HSD17B11: variants seen among roughly 807,000 people sequenced by gnomAD.
HSD17B11 encodes hydroxysteroid 17-beta dehydrogenase 11, also known as estradiol 17-beta-dehydrogenase 11.
In HSD17B11, 22 loss-of-function variants were observed where a neutral mutation model predicts 27.8. The observed-to-expected ratio is 0.79, with a 90% CI of 0.56 to 1.13. The LOEUF (loss-of-function observed/expected upper bound fraction) is 1.13. HSD17B11 is among the 50% of genes most tolerant of loss of function. The pLI is 0.00. For missense variants in HSD17B11, 314 were observed against 351.1 expected (o/e 0.89, Z 0.84); for synonymous variants, 117 against 132.8 (o/e 0.88, Z 0.82).
intron 1 of HSD17B11, among the ~76,000 whole-genome samples, chr4:87,383,414 G>A (rs1720224038): frequency 6.6e-6 from 1 of 152,138 alleles, no homozygotes; most frequent in South Asian, 2.1e-4. Flanking sequence ...GGTAATAGAT[G>A]ACACAAACTT....
chr4:87,355,281 A>G (rs1578036183), intron 5 of HSD17B11, among the ~76,000 whole-genome samples: 1 of 152,206 alleles, frequency 6.6e-6, no homozygotes, highest in Admixed American at 6.5e-5. Context: ...GGAAAAAACT[A>G]TACTGTGACC....
In HSD17B11 at chr4:87,374,722, C is replaced by T. The variant is rs1382824233; in HGVS notation, c.427G>A (p.Val143Ile). The T allele has an allele frequency of 1.9e-6, 3 of 1,606,444 alleles. No individual in the cohort carries two copies. The highest frequency in any genetic ancestry group is 2.5e-6 in the Non-Finnish European group (3 of 1,178,252). ...ACCCAGAAATGTGCAAGTACATTAA[C>T]TTCAAAAGTCTTTTCAATCTGAGGA... Reference protein sequence around the residue: ...QDPQIEKTFEVNVLAHFWTTK... With the variant: ...QDPQIEKTFEINVLAHFWTTK... Residue 143 changes from valine (V) to isoleucine (I), a missense_variant, in exon 3 of 7, where the codon GTT becomes ATT. Transcript: ENST00000358290.
chr4:87,358,564 T>G (rs1735436707), intron 4 of HSD17B11, among the ~76,000 whole-genome samples: 1 of 152,208 alleles, frequency 6.6e-6, no homozygotes, highest in Non-Finnish European at 1.5e-5. Context: ...TGTACACAAT[T>G]AAATGGTTTT....
chr4:87,362,824 C>A (rs920881213), intron 4 of HSD17B11, among the ~76,000 whole-genome samples: 1 of 152,198 alleles, frequency 6.6e-6, no homozygotes, highest in African/African-American at 2.4e-5. Context: ...CTGAAGTTTT[C>A]AGTGTTGCTG....
intron 3 of HSD17B11, chr4:87,374,421 A>G (rs1468642307): frequency 3.0e-5 from 7 of 233,580 alleles, no homozygotes; most frequent in South Asian, 6.9e-5. Flanking sequence ...ATCTCTAAAT[A>G]GGATCACACA....
chr4:87,375,993 C>G (rs1279084085), intron 2 of HSD17B11, among the ~76,000 whole-genome samples: 1 of 152,208 alleles, frequency 6.6e-6, no homozygotes, highest in African/African-American at 2.4e-5. Context: ...AACTTCAATT[C>G]TTCCTCTGCA....
chr4:87,358,835 T>A (rs79725178), intron 4 of HSD17B11, among the ~76,000 whole-genome samples: 7,866 of 152,284 alleles, frequency 0.052, 701 homozygotes, highest in African/African-American at 0.18. Context: ...GTTTAGGCAC[T>A]TATTGAAGCT....
At chr4:87,363,587 G>A (rs1048827454) in intron 4 of HSD17B11, among the ~76,000 whole-genome samples, 4 of 152,140 alleles carry the variant, frequency 2.6e-5, no homozygotes, top group Non-Finnish European at 4.4e-5. Flanking sequence ...CCTTTTAACC[G>A]CATGGCAGTA....
chr4:87,357,530 C>G (rs1735410251), intron 4 of HSD17B11, 114 bp from the exon 5 acceptor site: 1 of 934,686 alleles, frequency 1.1e-6, no homozygotes, highest in Middle Eastern at 2.2e-4. Context: ...GTCTCAGGCC[C>G]CAGCCCAGAG....
intron 4 of HSD17B11, among the ~76,000 whole-genome samples, chr4:87,361,964 A>G (rs1214754963): frequency 1.3e-5 from 2 of 152,152 alleles, no homozygotes; most frequent in Admixed American, 6.5e-5. Flanking sequence ...GTCCTGTAAC[A>G]TATTTCTGGC....
chr4:87,370,756 T>TTATTATTTTA lies in HSD17B11; in HGVS notation c.557+1952_557+1953insTAAAATAATA, dbSNP rs752900390. ...ATTATTATTATTATTATTATTATTATTTTTTTTTTTTTTTGAGACGGAGTC... is the reference window on the plus strand; with the variant it reads ...ATTATTATTATTATTATTATTATTATTATTATTTTATTTTTTTTTTTTTTGAGACGGAGTC... On this transcript the variant is annotated intron_variant, in intron 4 of 6. Transcript: ENST00000358290. 1.1e-3 allele frequency among the ~76,000 whole-genome samples: 19 copies of TTATTATTTTA among 17,800 alleles called. 2 individuals carry two copies. Among genetic ancestry groups the TTATTATTTTA allele is most frequent in the Admixed American group, 2.4e-3 (3 of 1,254 alleles). 11.7% of individuals were successfully genotyped at this position (17,800 alleles called of 152,430 possible).
At chr4:87,382,975 G>A (rs183791654) in intron 1 of HSD17B11, among the ~76,000 whole-genome samples, 1 of 152,258 alleles carries the variant, frequency 6.6e-6, no homozygotes, top group African/African-American at 2.4e-5. Flanking sequence ...ATTGAATATT[G>A]GCAGTTTCAA....
chr4:87,341,629 G>A lies in HSD17B11; in HGVS notation c.696-1023C>T, dbSNP rs551792653. 3.8e-3 allele frequency among the ~76,000 whole-genome samples: 584 copies of A among 152,290 alleles called. 3 individuals are homozygous for A. Among genetic ancestry groups the A allele is most frequent in the African/African-American group, 0.013 (544 of 41,558 alleles). ...TAATCCCAGCACTTTGGGAGGCTGA[G>A]GCGGGTGGAGCGCTTGAGCCCAGGA... On this transcript the variant is annotated intron_variant, in intron 5 of 6. Coordinates refer to ENST00000358290, the MANE Select transcript of HSD17B11 (RefSeq NM_016245.5).
intron 4 of HSD17B11, among the ~76,000 whole-genome samples, chr4:87,363,940 T>C (rs373938895): frequency 1.1e-4 from 16 of 152,218 alleles, no homozygotes; most frequent in African/African-American, 2.9e-4. Context: ...GCTGGAAATA[T>C]TGGCCGCTTG....
intron 1 of HSD17B11, among the ~76,000 whole-genome samples, chr4:87,383,584 C>T (rs777114795): frequency 1.1e-4 from 16 of 152,198 alleles, no homozygotes; most frequent in Middle Eastern, 3.4e-3. Flanking sequence ...GGCAAGATCA[C>T]GCTGCCACAT....
At chr4:87,343,043 A>AC (rs1178252151) in intron 5 of HSD17B11, among the ~76,000 whole-genome samples, 4 of 152,150 alleles carry the variant, frequency 2.6e-5, no homozygotes, top group Non-Finnish European at 4.4e-5. Flanking sequence ...GCTTATAGAC[A>AC]CCTGTGTAAA....
intron 4 of HSD17B11, among the ~76,000 whole-genome samples, chr4:87,358,110 C>G (rs181257691): frequency 2.0e-5 from 3 of 151,678 alleles, no homozygotes; most frequent in African/African-American, 7.3e-5. Flanking sequence ...TACAGGCGCC[C>G]GCCACCATGC....
intron 3 of HSD17B11, chr4:87,374,304 AGAGT>A: frequency 6.2e-6 from 1 of 162,108 alleles, no homozygotes; most frequent in East Asian, 1.9e-4. Context: ...CCTTGGCAAC[AGAGT>A]GAGACCCTGT....
chr4:87,343,156 T>G (rs1735201332), intron 5 of HSD17B11, among the ~76,000 whole-genome samples: 1 of 152,192 alleles, frequency 6.6e-6, no homozygotes, highest in African/African-American at 2.4e-5. Flanking sequence ...TACCTAAGGT[T>G]TTTAGCCCCT....
Sources: allele counts gnomAD v4.1 joint callset (sites outside exome capture counted in the v4.1 genomes callset), GRCh38; gene constraint gnomAD v4.1.1; transcripts MANE v1.5; gene names NCBI Gene and HGNC (gene_info 2026-07-23, HGNC 2026-07-21).